USP34: variants seen among roughly 807,000 people sequenced by gnomAD.
USP34 encodes ubiquitin carboxyl-terminal hydrolase 34.
A neutral mutation model predicts 460.3 loss-of-function variants in USP34; 70 were observed. The ratio of observed to expected loss-of-function variants is 0.15; its 90% confidence interval spans 0.13 to 0.19. The LOEUF is 0.19. Among genes scored for constraint, USP34 ranks in the 10% least tolerant of loss-of-function variants. The probability of loss-of-function intolerance (pLI) is 1.00; values close to 1 mark genes in which losing one functional copy is unlikely to be tolerated. For synonymous variants in USP34, 1,647 were observed against 1,405.3 expected, an observed-to-expected ratio of 1.17 and a Z score of -3.85; for missense variants, 3,985 against 4,236.2, an observed-to-expected ratio of 0.94 and a Z score of 1.65.
intron 2 of USP34, among the ~76,000 whole-genome samples, chr2:61,418,608 T>C (rs1030729060): frequency 1.3e-5 from 2 of 152,228 alleles, no homozygotes; most frequent in Non-Finnish European, 2.9e-5. Flanking sequence ...AGATTATCCA[T>C]GCTTTATTAG....
intron 57 of USP34, among the ~76,000 whole-genome samples, chr2:61,235,204 G>A (rs1688030737): frequency 1.3e-5 from 2 of 151,934 alleles, no homozygotes; most frequent in African/African-American, 4.8e-5. Flanking sequence ...TGTATACCTT[G>A]AATATATAAA....
chr2:61,383,650 G>T (rs970201205), intron 5 of USP34, among the ~76,000 whole-genome samples: 3 of 152,086 alleles, frequency 2.0e-5, no homozygotes, highest in Admixed American at 6.5e-5. Flanking sequence ...GGGGCGGGGG[G>T]AAGAGGATGT....
At position 61,293,643 on chromosome 2, in the gene USP34, C is replaced by T. The variant is rs1222708820; in HGVS notation, c.4462-93G>A. The T allele has an allele frequency of 2.6e-5, 22 of 854,290 alleles. 1 individual carries two copies. The highest frequency in any genetic ancestry group is 2.7e-5 in the East Asian group (1 of 37,670). 52.9% of individuals were successfully genotyped at this position (854,290 alleles called of 1,614,324 possible). A position where few individuals can be genotyped will look rare whatever the true frequency, so the allele number is the denominator to read the frequency against. Reference sequence around the variant, plus strand: ...CAGTAACTGGATATGTAAAATATTACGTATCTTTTATTTACACTACTATTC... The same window carrying T: ...CAGTAACTGGATATGTAAAATATTATGTATCTTTTATTTACACTACTATTC... On this transcript the variant is annotated intron_variant, in intron 32 of 79. Transcript: ENST00000398571.
At chr2:61,365,340 T>C (rs1692403775) in intron 10 of USP34, among the ~76,000 whole-genome samples, 2 of 152,124 alleles carry the variant, frequency 1.3e-5, no homozygotes, top group South Asian at 2.1e-4. Context: ...TATATGTATG[T>C]ATGTATGTAT....
chr2:61,287,019 G>A (rs995720460), intron 34 of USP34, among the ~76,000 whole-genome samples: 1 of 152,102 alleles, frequency 6.6e-6, no homozygotes, highest in Non-Finnish European at 1.5e-5. Context: ...AAACATTATA[G>A]TAATGTAAGG....
chr2:61,429,454 A>G (rs893079090), intron 1 of USP34, among the ~76,000 whole-genome samples: 2 of 152,182 alleles, frequency 1.3e-5, no homozygotes, highest in African/African-American at 4.8e-5. Context: ...CTCAAAAAAT[A>G]AAATAAGATA....
chr2:61,369,176 G>C (rs1482922823), intron 10 of USP34, among the ~76,000 whole-genome samples: 1 of 152,132 alleles, frequency 6.6e-6, no homozygotes, highest in African/African-American at 2.4e-5. Context: ...ACAAAATTAA[G>C]GGGAAAGTGA....
chr2:61,206,610 A>G (rs2103775566), intron 71 of USP34, 150 bp downstream of exon 71: 1 of 1,020,222 alleles, frequency 9.8e-7, no homozygotes, highest in Non-Finnish European at 1.4e-6. Flanking sequence ...GGAGTTCATG[A>G]CAAACATTTC....
chr2:61,268,438 TAAA>T (rs35618230), intron 41 of USP34, among the ~76,000 whole-genome samples: 11,922 of 53,192 alleles, frequency 0.22, 1,048 homozygotes, highest in East Asian at 0.31. Context: ...GAGCTGTTGT[TAAA>T]AAAAAAAAAA....
intron 75 of USP34, among the ~76,000 whole-genome samples, chr2:61,197,059 G>C (rs1271695515): frequency 6.6e-6 from 1 of 152,174 alleles, no homozygotes; most frequent in Non-Finnish European, 1.5e-5. Flanking sequence ...TGGATCACTT[G>C]AAGTTAGGAG....
chr2:61,190,533 T>C lies in USP34; in HGVS notation c.9714A>G (p.Thr3238=). The C allele has an allele frequency of 6.2e-7, 1 of 1,613,782 alleles. No homozygotes were observed. Among genetic ancestry groups the C allele is most frequent in the Non-Finnish European group, 8.5e-7 (1 of 1,179,910 alleles). ...LNNNIVYTFM[T]HFLLKVQSQV... ...TACTACGTACCTTTAGAAGGAAATG[T>C]GTCATGAACGTGTAGACAATGTTGT... The change falls in exon 77 of 80, where the codon ACA becomes ACG. Residue 3238 remains threonine (T), a synonymous_variant. Transcript: ENST00000398571.
chr2:61,384,691 A>G (rs1009573373), intron 5 of USP34, among the ~76,000 whole-genome samples: 4 of 152,154 alleles, frequency 2.6e-5, no homozygotes, highest in African/African-American at 7.2e-5. Flanking sequence ...AAAAATTAAA[A>G]AATAAAATAC....
intron 1 of USP34, among the ~76,000 whole-genome samples, chr2:61,460,936 C>T (rs1188136775): frequency 6.8e-6 from 1 of 146,918 alleles, no homozygotes; most frequent in Non-Finnish European, 1.5e-5. Context: ...AAGCCAAGAT[C>T]GCGCCACTGC....
At chr2:61,327,770 C>T (rs967635727) in intron 20 of USP34, among the ~76,000 whole-genome samples, 4 of 152,058 alleles carry the variant, frequency 2.6e-5, no homozygotes, top group Non-Finnish European at 5.9e-5. Flanking sequence ...GCTGAAACCA[C>T]CAGTGAGAAA....
chr2:61,370,572 C>A lies in USP34; in HGVS notation c.1084G>T (p.Ala362Ser), dbSNP rs368325870. 2.2e-4 allele frequency: 349 copies of A among 1,613,216 alleles called. No homozygotes were observed. The highest frequency in any genetic ancestry group is 2.8e-4 in the Non-Finnish European group (336 of 1,179,846). The change falls in exon 9 of 80, where the codon GCA (alanine) becomes TCA (serine). Residue 362 changes from alanine (A) to serine (S), a missense_variant. Ala to Ser is a moderately conservative substitution (Grantham distance 99, BLOSUM62 1). Coordinates refer to ENST00000398571, the MANE Select transcript of USP34 (RefSeq NM_014709.4). ...SLVSDTETSI[A>S]KELADWLISN... ...ATAAGCCAGTCTGCAAGTTCTTTTG[C>A]AATGGACCTAAAGTCAAGCAATGAA...
intron 21 of USP34, among the ~76,000 whole-genome samples, chr2:61,324,046 C>A (rs1435685178): frequency 6.6e-6 from 1 of 152,166 alleles, no homozygotes; most frequent in African/African-American, 2.4e-5. Flanking sequence ...CATGACGACT[C>A]CTAGCAAGAC....
intron 62 of USP34, chr2:61,223,573 CTTT>C (rs569962717): frequency 6.1e-4 from 140 of 230,228 alleles, no homozygotes; most frequent in South Asian, 1.4e-3. Flanking sequence ...ATTTTACTTA[CTTT>C]TTTTTTTTTT....
intron 10 of USP34, among the ~76,000 whole-genome samples, chr2:61,353,576 T>G (rs1181294078): frequency 5.3e-5 from 3 of 56,426 alleles, no homozygotes; most frequent in East Asian, 8.5e-4. Context: ...TTTGTTTTTG[T>G]TTTTTTTGTT....
chr2:61,459,233 G>A (rs573429262), intron 1 of USP34, among the ~76,000 whole-genome samples: 2 of 152,192 alleles, frequency 1.3e-5, no homozygotes, highest in South Asian at 2.1e-4. Context: ...AAAGTACAGA[G>A]AAGAAATAAG....
Sources: allele counts gnomAD v4.1 joint callset (sites outside exome capture counted in the v4.1 genomes callset), GRCh38; gene constraint gnomAD v4.1.1; transcripts MANE v1.5; gene names NCBI Gene and HGNC (gene_info 2026-07-23, HGNC 2026-07-21).